The following IGF2R variants were observed in gnomAD, a reference collection of about 807,000 sequenced individuals.
The protein encoded by IGF2R is cation-independent mannose-6-phosphate receptor.
IGF2R carries 91 observed loss-of-function variants against 270.6 expected under a neutral mutation model. The observed-to-expected ratio is 0.34, with a 90% CI of 0.28 to 0.40. The LOEUF (loss-of-function observed/expected upper bound fraction) is 0.40. Among genes scored for constraint, IGF2R ranks in the 10% least tolerant of loss-of-function variants. The pLI, the probability that IGF2R is intolerant of heterozygous loss-of-function variation, is 1.00. For missense variants in IGF2R, 2,805 were observed against 3,188.3 expected, an observed-to-expected ratio of 0.88 and a Z score of 2.90; for synonymous variants, 1,316 against 1,258.9, an observed-to-expected ratio of 1.05 and a Z score of -0.96.
intron 11 of IGF2R, among the ~76,000 whole-genome samples, chr6:160,041,375 A>C (rs939655899): frequency 3.9e-5 from 6 of 152,132 alleles, no homozygotes; most frequent in Non-Finnish European, 8.8e-5. Context: ...ATTACCACCC[A>C]GAACAGTCAC....
intron 2 of IGF2R, among the ~76,000 whole-genome samples, chr6:159,996,980 C>T (rs1255410724): frequency 6.6e-6 from 1 of 152,192 alleles, no homozygotes; most frequent in Non-Finnish European, 1.5e-5. Context: ...TGGGAGCAGC[C>T]ATGACTGTGC....
intron 1 of IGF2R, among the ~76,000 whole-genome samples, chr6:159,979,195 G>C (rs1301807011): frequency 6.6e-6 from 1 of 152,178 alleles, no homozygotes; most frequent in Non-Finnish European, 1.5e-5. Flanking sequence ...AAATTAACTT[G>C]TTGCTATCTG....
In IGF2R at chr6:160,084,940, A is replaced by G; in HGVS notation, c.6069-55A>G. The G allele has an allele frequency of 6.4e-7, 1 of 1,559,848 alleles. No homozygotes were observed. Among genetic ancestry groups the G allele is most frequent in the Non-Finnish European group, 8.8e-7 (1 of 1,142,294 alleles). On this transcript the variant is annotated intron_variant, in intron 40 of 47. Transcript: ENST00000356956. This position sits in a 1 kb window ranked among gnomAD's most constrained non-coding sequence, Gnocchi z 4.6. Reference sequence around the variant, plus strand: ...GTAAAGTGAAGAGCCCTCCTGTGTCAGGGCAGAGACGTCACTTGCATGCCT... The same window carrying G: ...GTAAAGTGAAGAGCCCTCCTGTGTCGGGGCAGAGACGTCACTTGCATGCCT...
chr6:159,980,547 G>C (rs1228264734), intron 1 of IGF2R, among the ~76,000 whole-genome samples: 2 of 152,242 alleles, frequency 1.3e-5, no homozygotes, highest in African/African-American at 4.8e-5. Flanking sequence ...TCTGCTGTCT[G>C]ATGTTTGGCT....
chr6:160,047,608 A>G (rs1214777596), intron 16 of IGF2R, among the ~76,000 whole-genome samples, 184 bp from the exon 17 acceptor site: 3 of 152,246 alleles, frequency 2.0e-5, no homozygotes, highest in Non-Finnish European at 4.4e-5. Context: ...AGCAGAGGCT[A>G]AATTTTCATC....
chr6:160,087,829 C>T (rs1384100674), intron 41 of IGF2R, among the ~76,000 whole-genome samples: 2 of 152,150 alleles, frequency 1.3e-5, no homozygotes, highest in Non-Finnish European at 2.9e-5. Context: ...GCACCTGCCA[C>T]CGTGCCCGAA....
intron 44 of IGF2R, chr6:160,094,912 A>C (rs1162682788): frequency 1.3e-5 from 2 of 151,130 alleles, no homozygotes; most frequent in African/African-American, 2.5e-5. Context: ...AAAAAAAAAA[A>C]AAAAGGCCCT....
chr6:160,080,090 G>A lies in IGF2R; in HGVS notation c.5687-39G>A, dbSNP rs202081546. 5.2e-5 allele frequency: 84 copies of A among 1,607,192 alleles called. No homozygotes were observed. The East Asian group carries it at 1.7e-3, about 32-fold the overall frequency. ...TTCTGAGGTGATTGTGCCTGGCGAGGCACAGCTGCCACACTGATAATGTTC... is the reference window on the plus strand; with the variant it reads ...TTCTGAGGTGATTGTGCCTGGCGAGACACAGCTGCCACACTGATAATGTTC... On this transcript the variant is annotated intron_variant, in intron 38 of 47. Coordinates refer to ENST00000356956, the MANE Select transcript of IGF2R (RefSeq NM_000876.4).
Position 160,050,779 on chromosome 6 carries a change from A to C in IGF2R, c.2694+127A>C. The C allele has an allele frequency of 1.3e-6, 1 of 767,966 alleles. No homozygotes were observed. The highest frequency in any genetic ancestry group is 2.0e-6 in the Non-Finnish European group (1 of 488,724). The allele number at this position is 767,966 out of a possible 1,614,324, so 47.6% of individuals were successfully genotyped here. ...AGCTAGGCCAGTCTTAGTTCTGCTT[A>C]AGGTCAGTGTGCGGTATATATGTTC... is the stretch of plus-strand genomic sequence containing the variant. On this transcript the variant is annotated intron_variant, in intron 19 of 47. Coordinates refer to ENST00000356956, the MANE Select transcript of IGF2R (RefSeq NM_000876.4). The surrounding 1 kb of genome is among the most constrained non-coding windows in gnomAD (Gnocchi z 4.0).
chr6:160,078,050 G>A, intron 36 of IGF2R, 151 bp from the exon 37 acceptor site: 1 of 714,250 alleles, frequency 1.4e-6, no homozygotes, highest in Non-Finnish European at 2.4e-6. Flanking sequence ...CTTGAAGATG[G>A]CATTGGGTCT....
rs772490953 is a variant in IGF2R at position 160,094,258 on chromosome 6, G to T, written c.6656-2181G>T. 1.2e-4 allele frequency: 37 copies of T among 310,448 alleles called. 1 individual carries two copies. In the Admixed American group the frequency reaches 1.5e-3, roughly 13 times the overall value. The allele number at this position is 310,448 out of a possible 1,614,324, so 19.2% of individuals were successfully genotyped here. On this transcript the variant is annotated intron_variant, in intron 44 of 47. Coordinates refer to ENST00000356956, the MANE Select transcript of IGF2R (RefSeq NM_000876.4). Reference sequence around the variant, plus strand: ...TCATTTATAAATATCGTCTTCCTCTGTTCTGCTGCTGAATGCCACACATCC... The same window carrying T: ...TCATTTATAAATATCGTCTTCCTCTTTTCTGCTGCTGAATGCCACACATCC...
rs960921917 is a variant in IGF2R at position 160,068,107 on chromosome 6, T to A, written c.4116-142T>A. 109 of 638,478 alleles carry A rather than the reference T, an allele frequency of 1.7e-4. 1 individual carries two copies. The highest frequency in any genetic ancestry group is 7.1e-4 in the Admixed American group (27 of 37,884). 39.6% of individuals were successfully genotyped at this position (638,478 alleles called of 1,614,324 possible). A position where few individuals can be genotyped will look rare whatever the true frequency, so the allele number is the denominator to read the frequency against. ...GTGTGTGTGTGTGTGTGTGTGTGTGTGACAGAGACAGAGAGAAGTCGAGTC... is the reference window on the plus strand; with the variant it reads ...GTGTGTGTGTGTGTGTGTGTGTGTGAGACAGAGACAGAGAGAAGTCGAGTC... On this transcript the variant is annotated intron_variant, in intron 29 of 47. Transcript: ENST00000356956.
At chr6:159,991,395 G>A in intron 2 of IGF2R, 72 bp downstream of exon 2, 1 of 1,353,686 alleles carries the variant, frequency 7.4e-7, no homozygotes, top group Non-Finnish European at 1.0e-6. Flanking sequence ...ACTGTGTATA[G>A]CTATACGTAT....
intron 44 of IGF2R, chr6:160,093,875 G>A: frequency 1.4e-6 from 1 of 726,338 alleles, no homozygotes; most frequent in Non-Finnish European, 2.6e-6. Flanking sequence ...CAGTATCGCA[G>A]ACAGGACCAT....
chr6:160,070,124 T>G (rs780750584), intron 31 of IGF2R, 66 bp downstream of exon 31: 28 of 1,464,766 alleles, frequency 1.9e-5, no homozygotes, highest in Non-Finnish European at 2.6e-5. Flanking sequence ...TGCAGGGCGG[T>G]GAGCCGCACG....
chr6:160,039,833 G>A (rs1777907041), intron 10 of IGF2R, among the ~76,000 whole-genome samples: 1 of 152,172 alleles, frequency 6.6e-6, no homozygotes, highest in African/African-American at 2.4e-5. Context: ...GACGTGGCCT[G>A]TGAAGAGCTG....
chr6:160,065,814 G>GTGTGTGTATATATATGTATATA lies in IGF2R; in HGVS notation c.4115+914_4115+915insGTGTGTATATATATGTATATAT. On this transcript the variant is annotated intron_variant, in intron 29 of 47. Coordinates refer to ENST00000356956, the MANE Select transcript of IGF2R (RefSeq NM_000876.4). ...TGTGTGTGTGTGTGTGTGTGTGTGTGTATATATATATATATATATATATAT... is the reference window on the plus strand; with the variant it reads ...TGTGTGTGTGTGTGTGTGTGTGTGTGTGTGTGTATATATATGTATATATATATATATATATATATATATATAT... Among the ~76,000 whole-genome samples the GTGTGTGTATATATATGTATATA allele has an allele frequency of 1.1e-4, 9 of 78,390 alleles. No homozygotes were observed. In the East Asian group the frequency reaches 2.4e-3, roughly 21 times the overall value. The allele number at this position is 78,390 out of a possible 152,430, so 51.4% of individuals were successfully genotyped here.
intron 4 of IGF2R, among the ~76,000 whole-genome samples, chr6:160,011,954 AG>A (rs1562342766): frequency 6.6e-6 from 1 of 152,246 alleles, no homozygotes; most frequent in Non-Finnish European, 1.5e-5. Flanking sequence ...AATTTTTACT[AG>A]TGGCCTAATA....
intron 26 of IGF2R, 112 bp downstream of exon 26, chr6:160,062,731 GAC>G (rs1227972124): frequency 2.6e-5 from 18 of 701,018 alleles, no homozygotes; most frequent in Middle Eastern, 2.4e-4. Context: ...GGGGTCATGA[GAC>G]ACACGCTAGG....
Sources: allele counts gnomAD v4.1 joint callset (sites outside exome capture counted in the v4.1 genomes callset), GRCh38; gene constraint gnomAD v4.1.1; non-coding constraint Gnocchi (gnomAD v3.1); transcripts MANE v1.5; gene names NCBI Gene and HGNC (gene_info 2026-07-23, HGNC 2026-07-21).